The following FAAH2 variants were observed in gnomAD, a reference collection of about 807,000 sequenced individuals.
The protein encoded by FAAH2 is fatty acid amide hydrolase 2.
Under a neutral mutation model 36.9 loss-of-function variants are expected in FAAH2, and 60 were observed. The ratio of observed to expected loss-of-function variants is 1.63; its 90% CI spans 1.32 to 2.02. The LOEUF (loss-of-function observed/expected upper bound fraction) is 2.02, where lower values mean the gene tolerates loss of function less well. Among genes scored for constraint, FAAH2 ranks in the 30% most tolerant of loss-of-function variants. The pLI is 0.00. For missense variants in FAAH2, 689 were observed against 397.5 expected, an observed-to-expected ratio of 1.73 and a Z score of -6.23; for synonymous variants, 214 against 143.8, an observed-to-expected ratio of 1.49 and a Z score of -3.49.
At chrX:57,206,230 G>A in the FAAH2 span, among the ~76,000 whole-genome samples, 1 of 112,099 alleles carries the variant, frequency 8.9e-6, no homozygotes, top group African/African-American at 3.2e-5. Context: ...GCATAGGTAG[G>A]AATGCCTAGA....
intron 5 of FAAH2, among the ~76,000 whole-genome samples, chrX:57,367,478 T>G (rs1268895284): frequency 8.9e-6 from 1 of 112,475 alleles, no homozygotes. Flanking sequence ...AAAAAAGGAT[T>G]GATATCAGCA....
chrX:57,230,627 A>G, the FAAH2 span, among the ~76,000 whole-genome samples: 3 of 111,665 alleles, frequency 2.7e-5, no homozygotes, highest in Non-Finnish European at 3.8e-5. Flanking sequence ...TAGTTCACCA[A>G]TATAGCTTGA....
At chrX:57,451,217 G>T (rs946108673) in intron 10 of FAAH2, among the ~76,000 whole-genome samples, 1 of 111,589 alleles carries the variant, frequency 9.0e-6, no homozygotes, top group Non-Finnish European at 1.9e-5. Context: ...TCTCAGCTAT[G>T]AAGTGAAGTG....
the FAAH2 span, among the ~76,000 whole-genome samples, chrX:57,279,242 C>A: frequency 8.9e-6 from 1 of 112,383 alleles, no homozygotes; most frequent in African/African-American, 3.2e-5. Flanking sequence ...GAAAATGTGG[C>A]ACATATACAC....
intron 3 of FAAH2, among the ~76,000 whole-genome samples, chrX:57,325,625 A>G (rs1448318981): frequency 1.0e-5 from 1 of 99,767 alleles, no homozygotes; most frequent in Admixed American, 1.1e-4. Context: ...GTTTATTTGC[A>G]TACAGGTGTT....
intron 7 of FAAH2, among the ~76,000 whole-genome samples, chrX:57,389,582 C>T (rs905963058): frequency 1.8e-5 from 2 of 109,928 alleles, no homozygotes; most frequent in South Asian, 7.7e-4. Context: ...GAATAATATT[C>T]CAGTGCATGT....
At chrX:57,343,705 G>A (rs2053748608) in intron 5 of FAAH2, among the ~76,000 whole-genome samples, 1 of 111,569 alleles carries the variant, frequency 9.0e-6, no homozygotes, top group Non-Finnish European at 1.9e-5. Context: ...GTGTTGAGAA[G>A]GGTATCTCCT....
chrX:57,384,112 G>T (rs2054939119), intron 7 of FAAH2, among the ~76,000 whole-genome samples: 1 of 110,795 alleles, frequency 9.0e-6, no homozygotes, highest in African/African-American at 3.3e-5. Context: ...GGGAAAACTG[G>T]CTAGCCATAT....
At chrX:57,479,428 T>G (rs2057336280) in intron 10 of FAAH2, among the ~76,000 whole-genome samples, 1 of 111,671 alleles carries the variant, frequency 9.0e-6, no homozygotes. Context: ...AATCATGTCA[T>G]CTGCAAACAG....
intron 7 of FAAH2, among the ~76,000 whole-genome samples, chrX:57,422,114 A>G (rs2056050465): frequency 8.9e-6 from 1 of 111,753 alleles, no homozygotes; most frequent in South Asian, 3.8e-4. Context: ...ATAGCTCTCT[A>G]CCAGATACCA....
intron 7 of FAAH2, among the ~76,000 whole-genome samples, chrX:57,409,675 C>T (rs2055651977): frequency 9.0e-6 from 1 of 110,727 alleles, no homozygotes. Context: ...TATAGGTTAT[C>T]CAATCTGTTG....
the FAAH2 span, among the ~76,000 whole-genome samples, chrX:57,265,608 C>G: frequency 9.0e-6 from 1 of 111,445 alleles, no homozygotes; most frequent in African/African-American, 3.3e-5. Context: ...CTCAAATCCC[C>G]TTTCTCATCA....
At chrX:57,368,112 G>A (rs1019672419) in intron 5 of FAAH2, among the ~76,000 whole-genome samples, 7 of 110,723 alleles carry the variant, frequency 6.3e-5, no homozygotes, top group Non-Finnish European at 1.1e-4. Flanking sequence ...TGCCTAGGAG[G>A]TCTTCCATCT....
the FAAH2 span, among the ~76,000 whole-genome samples, chrX:57,191,626 C>T: frequency 8.9e-6 from 1 of 111,820 alleles, no homozygotes; most frequent in African/African-American, 3.2e-5. Context: ...TTTGAGGTCT[C>T]ATTGAAGTCT....
chrX:57,211,775 C>T, the FAAH2 span, among the ~76,000 whole-genome samples: 7 of 111,815 alleles, frequency 6.3e-5, no homozygotes, highest in South Asian at 2.6e-3. Context: ...ATTATTACCA[C>T]AACTGATATT....
chrX:57,486,440 C>T (rs1318658836), intron 10 of FAAH2, among the ~76,000 whole-genome samples: 2 of 111,741 alleles, frequency 1.8e-5, no homozygotes, highest in Non-Finnish European at 3.8e-5. Context: ...CTAGGGACTT[C>T]AGCTAAGCAA....
At chrX:57,432,680 A>G (rs1284083719) in intron 8 of FAAH2, among the ~76,000 whole-genome samples, 1 of 111,453 alleles carries the variant, frequency 9.0e-6, no homozygotes, top group African/African-American at 3.3e-5. Context: ...GAACTATAAG[A>G]TAAATTCAAC....
intron 2 of FAAH2, among the ~76,000 whole-genome samples, chrX:57,301,671 T>TA (rs200799309): frequency 0.014 from 1,492 of 109,608 alleles, 35 homozygotes; most frequent in African/African-American, 0.047. Context: ...TAAAATCTAA[T>TA]AAAAAAATGT....
the FAAH2 span, among the ~76,000 whole-genome samples, chrX:57,267,147 C>T: frequency 1.4e-4 from 16 of 112,673 alleles, no homozygotes; most frequent in Non-Finnish European, 2.4e-4. Flanking sequence ...TGTGCACCAG[C>T]CTGCACATTC....
Sources: allele counts gnomAD v4.1 joint callset (sites outside exome capture counted in the v4.1 genomes callset), GRCh38; gene constraint gnomAD v4.1.1; transcripts MANE v1.5; gene names NCBI Gene and HGNC (gene_info 2026-07-23, HGNC 2026-07-21).